TMEM117: variants seen among roughly 807,000 people sequenced by gnomAD.
The protein encoded by TMEM117 is transmembrane protein 117.
TMEM117 carries 27 observed loss-of-function variants against 52.4 expected under a neutral mutation model. That is an observed-to-expected ratio of 0.51 (90% CI 0.38 to 0.71). The LOEUF (loss-of-function observed/expected upper bound fraction) is 0.71. Ranked by LOEUF, TMEM117 falls within the 30% of genes least tolerant of loss-of-function variation. The pLI is 0.00. For missense variants in TMEM117, 556 were observed against 630.5 expected, an observed-to-expected ratio of 0.88 and a Z score of 1.26; for synonymous variants, 215 against 206.3, an observed-to-expected ratio of 1.04 and a Z score of -0.36.
chr12:44,101,473 C>T (rs1947859783), intron 3 of TMEM117, among the ~76,000 whole-genome samples: 1 of 151,812 alleles, frequency 6.6e-6, no homozygotes, highest in South Asian at 2.1e-4. Flanking sequence ...TAGTTTTTGC[C>T]TTAGTTTGGG....
intron 3 of TMEM117, among the ~76,000 whole-genome samples, chr12:44,128,656 G>A (rs1392256844): frequency 6.6e-6 from 1 of 152,106 alleles, no homozygotes; most frequent in Admixed American, 6.6e-5. Flanking sequence ...TTCCTGAGTT[G>A]CTTGAAGAGA....
intron 3 of TMEM117, among the ~76,000 whole-genome samples, chr12:44,055,165 T>TA (rs879481282): frequency 5.9e-5 from 9 of 151,926 alleles, no homozygotes; most frequent in Non-Finnish European, 8.8e-5. Flanking sequence ...CTATTTTATT[T>TA]AAAAAAACTC....
At chr12:44,390,781 A>G (rs1415607886), downstream of TMEM117, among the ~76,000 whole-genome samples, 1 of 152,072 alleles carries the variant, frequency 6.6e-6, no homozygotes, top group African/African-American at 2.4e-5. Context: ...ACCTTTTCTT[A>G]CCTACATATG....
chr12:44,019,363 G>T (rs12322164), intron 3 of TMEM117, among the ~76,000 whole-genome samples: 1 of 151,784 alleles, frequency 6.6e-6, no homozygotes, highest in Non-Finnish European at 1.5e-5. Context: ...TCACAGAAAC[G>T]CTCACTTACA....
At chr12:44,124,852 C>T (rs938217751) in intron 3 of TMEM117, among the ~76,000 whole-genome samples, 1 of 152,038 alleles carries the variant, frequency 6.6e-6, no homozygotes, top group Admixed American at 6.6e-5. Flanking sequence ...AGGATATTGG[C>T]CTGAGGTTTT....
intron 3 of TMEM117, among the ~76,000 whole-genome samples, chr12:44,129,785 C>G (rs936588395): frequency 6.6e-6 from 1 of 152,112 alleles, no homozygotes; most frequent in African/African-American, 2.4e-5. Context: ...TAAACTGTAG[C>G]AACTTATGGA....
At position 43,944,360 on chromosome 12, in the gene TMEM117, T is replaced by C; in HGVS notation, c.410+18T>C. 1 of 1,603,192 alleles carries C rather than the reference T, an allele frequency of 6.2e-7. No homozygotes were observed. Among genetic ancestry groups the C allele is most frequent in the Non-Finnish European group, 8.5e-7 (1 of 1,174,390 alleles). On this transcript the variant is annotated intron_variant, in intron 3 of 7. Coordinates refer to ENST00000266534, the MANE Select transcript of TMEM117 (RefSeq NM_032256.3). ...AACATGGGGTAGGTTTTCTTTCCCC[T>C]TTCTACTGTGGTGAGTGTTATGTTT...
intron 2 of TMEM117, among the ~76,000 whole-genome samples, chr12:43,903,732 C>T (rs558547229): frequency 1.3e-5 from 2 of 152,206 alleles, no homozygotes; most frequent in South Asian, 4.2e-4. Flanking sequence ...GATTATTCAA[C>T]CCAAGGAACA....
chr12:44,052,081 G>C (rs1946983149), intron 3 of TMEM117, among the ~76,000 whole-genome samples: 2 of 152,080 alleles, frequency 1.3e-5, no homozygotes, highest in Non-Finnish European at 2.9e-5. Flanking sequence ...AGTTGATAGG[G>C]TTATCATGTA....
chr12:44,027,150 T>TTTTATTTTAGTTTAG (rs1946550715), intron 3 of TMEM117, among the ~76,000 whole-genome samples: 1 of 123,420 alleles, frequency 8.1e-6, no homozygotes, highest in African/African-American at 3.6e-5. Context: ...TTTTATTTTA[T>TTTTATTTTAGTTTAG]TTTATTTTAT....
intron 5 of TMEM117, among the ~76,000 whole-genome samples, chr12:44,277,761 C>CTT (rs35687259): frequency 0.04 from 3,778 of 95,508 alleles, 334 homozygotes; most frequent in African/African-American, 0.11. Flanking sequence ...AAACTCTGAG[C>CTT]TTTTTTTTTT....
At chr12:43,796,843 G>T in the TMEM117 span, 1 of 923,530 alleles carries the variant, frequency 1.1e-6, no homozygotes, top group Non-Finnish European at 1.6e-6. Flanking sequence ...GCACTTAGAG[G>T]AGATCCTAAG....
intron 4 of TMEM117, among the ~76,000 whole-genome samples, chr12:44,152,232 AT>A (rs1229382259): frequency 1.2e-4 from 13 of 110,166 alleles, no homozygotes; most frequent in African/African-American, 3.4e-4. Context: ...TATAAATATA[AT>A]TATATATATA....
chr12:43,836,766 CTG>C (rs1943037953), intron 1 of TMEM117, among the ~76,000 whole-genome samples: 1 of 151,922 alleles, frequency 6.6e-6, no homozygotes, highest in Non-Finnish European at 1.5e-5. Context: ...GTTCTACCCT[CTG>C]TGGAACAATG....
chr12:44,363,228 C>T (rs773601868), intron 6 of TMEM117, among the ~76,000 whole-genome samples: 1 of 151,976 alleles, frequency 6.6e-6, no homozygotes, highest in Admixed American at 6.6e-5. Flanking sequence ...TCTCCAATTG[C>T]AAAATGAGAA....
intron 6 of TMEM117, among the ~76,000 whole-genome samples, chr12:44,335,863 A>G (rs1208544961): frequency 6.6e-6 from 1 of 152,042 alleles, no homozygotes; most frequent in Non-Finnish European, 1.5e-5. Flanking sequence ...ATGAGCAATC[A>G]GTGACAATTC....
At chr12:44,129,520 C>G (rs534368087) in intron 3 of TMEM117, among the ~76,000 whole-genome samples, 3 of 152,316 alleles carry the variant, frequency 2.0e-5, no homozygotes, top group Admixed American at 1.3e-4. Flanking sequence ...ACCCAGAGAA[C>G]TACCGGGAAA....
At position 44,067,898 on chromosome 12, in the gene TMEM117, A is replaced by G. The variant is rs547150504; in HGVS notation, c.411-75627A>G. ...TTAGACGGCATCTTCTTCCAATAGA[A>G]GGCCATTTTATTTCCATTGAAAATC... On this transcript the variant is annotated intron_variant, in intron 3 of 7. Transcript: ENST00000266534. 1.5e-3 allele frequency among the ~76,000 whole-genome samples: 224 copies of G among 152,302 alleles called. 1 individual carries two copies. The highest frequency in any genetic ancestry group is 5.3e-3 in the African/African-American group (221 of 41,566).
At chr12:43,942,143 G>T (rs76955045) in intron 2 of TMEM117, among the ~76,000 whole-genome samples, 2,147 of 152,312 alleles carry the variant, frequency 0.014, 55 homozygotes, top group African/African-American at 0.049. Flanking sequence ...GAGAGCCCAT[G>T]AGTCCAAAGT....
Sources: gnomAD v4.1 joint callset for allele counts (sites outside exome capture counted in the v4.1 genomes callset) on GRCh38, gnomAD v4.1.1 for gene constraint, MANE v1.5 for transcripts, NCBI Gene and HGNC (gene_info 2026-07-23, HGNC 2026-07-21) for gene names.